Variants in SLC24A2 observed in about 807,000 individuals in gnomAD.
SLC24A2 encodes sodium/potassium/calcium exchanger 2.
Under a neutral mutation model 62.0 loss-of-function variants are expected in SLC24A2, and 36 were observed. The ratio of observed to expected loss-of-function variants is 0.58; its 90% confidence interval spans 0.44 to 0.77. The LOEUF (loss-of-function observed/expected upper bound fraction) is 0.77. SLC24A2 is among the 30% of genes least tolerant of loss of function. SLC24A2 has a pLI of 0.00. For missense variants in SLC24A2, 846 were observed against 817.9 expected (o/e 1.03, Z -0.42); for synonymous variants, 358 against 294.0 (o/e 1.22, Z -2.23).
At chr9:19,517,578 G>C (rs939680429) in intron 10 of SLC24A2, among the ~76,000 whole-genome samples, 1 of 152,196 alleles carries the variant, frequency 6.6e-6, no homozygotes, top group African/African-American at 2.4e-5. Flanking sequence ...GGGTGCATAT[G>C]TTAACCTGGG....
the SLC24A2 span, among the ~76,000 whole-genome samples, chr9:20,180,616 A>G: frequency 2.0e-5 from 3 of 152,128 alleles, no homozygotes; most frequent in Non-Finnish European, 4.4e-5. Flanking sequence ...GAATGATCAC[A>G]TTTAGAATTA....
intron 4 of SLC24A2, among the ~76,000 whole-genome samples, chr9:19,613,591 C>T (rs999889023): frequency 1.3e-5 from 2 of 152,028 alleles, no homozygotes; most frequent in Admixed American, 6.6e-5. Context: ...TTTAAAAAAC[C>T]CTCTCTGGCA....
the SLC24A2 span, among the ~76,000 whole-genome samples, chr9:19,834,059 C>A: frequency 1.3e-5 from 2 of 152,094 alleles, no homozygotes; most frequent in African/African-American, 2.4e-5. Flanking sequence ...GGACCTCCAC[C>A]CCAAAAACCC....
intron 2 of SLC24A2, among the ~76,000 whole-genome samples, chr9:19,710,975 T>C (rs924295286): frequency 3.3e-5 from 5 of 152,208 alleles, no homozygotes; most frequent in African/African-American, 1.2e-4. Context: ...AAATGCCTAT[T>C]TTCTTTTCTT....
chr9:20,092,224 C>A, the SLC24A2 span, among the ~76,000 whole-genome samples: 29 of 152,302 alleles, frequency 1.9e-4, no homozygotes, highest in African/African-American at 6.3e-4. Flanking sequence ...TGCACATATA[C>A]CTCTGAACCT....
intron 2 of SLC24A2, among the ~76,000 whole-genome samples, chr9:19,766,280 T>G (rs1319677438): frequency 6.6e-6 from 1 of 152,212 alleles, no homozygotes; most frequent in African/African-American, 2.4e-5. Flanking sequence ...ATTACCCACT[T>G]TCTGAAGCTT....
chr9:20,192,887 C>T, the SLC24A2 span, among the ~76,000 whole-genome samples: 2 of 152,230 alleles, frequency 1.3e-5, no homozygotes, highest in African/African-American at 4.8e-5. Context: ...ATTTAATCTC[C>T]AGCTAATTTG....
At chr9:20,240,254 A>T in the SLC24A2 span, among the ~76,000 whole-genome samples, 3 of 152,144 alleles carry the variant, frequency 2.0e-5, no homozygotes, top group Admixed American at 6.5e-5. Flanking sequence ...TAATTCACCT[A>T]TTTGTTTTTC....
chr9:20,102,963 C>T, the SLC24A2 span, among the ~76,000 whole-genome samples: 3 of 152,148 alleles, frequency 2.0e-5, no homozygotes, highest in East Asian at 1.9e-4. Flanking sequence ...GGGTGACAGA[C>T]GGTACCTGGA....
chr9:19,820,042 CATATATATAT>C, the SLC24A2 span, among the ~76,000 whole-genome samples: 49 of 32,890 alleles, frequency 1.5e-3, no homozygotes, highest in African/African-American at 2.9e-3. Context: ...TATATATATA[CATATATATAT>C]ATACACATAT....
the SLC24A2 span, among the ~76,000 whole-genome samples, chr9:20,049,228 T>C: frequency 6.6e-6 from 1 of 152,204 alleles, no homozygotes; most frequent in African/African-American, 2.4e-5. Flanking sequence ...TTCTATTTTG[T>C]AATGGTTATT....
chr9:20,278,926 C>T, the SLC24A2 span, among the ~76,000 whole-genome samples: 3 of 152,168 alleles, frequency 2.0e-5, no homozygotes, highest in East Asian at 5.8e-4. Flanking sequence ...GTTTAATTGA[C>T]TCACAGTTCC....
the SLC24A2 span, among the ~76,000 whole-genome samples, chr9:20,252,640 T>A: frequency 3.3e-5 from 5 of 152,266 alleles, no homozygotes; most frequent in East Asian, 9.6e-4. Flanking sequence ...GATATTGAGG[T>A]TCAAGCAGGC....
At chr9:19,761,806 T>A (rs1427207003) in intron 2 of SLC24A2, among the ~76,000 whole-genome samples, 1 of 152,230 alleles carries the variant, frequency 6.6e-6, no homozygotes, top group African/African-American at 2.4e-5. Flanking sequence ...ACAAAGGAGA[T>A]GAACTCATCA....
At chr9:19,877,312 G>T in the SLC24A2 span, among the ~76,000 whole-genome samples, 1 of 146,784 alleles carries the variant, frequency 6.8e-6, no homozygotes, top group African/African-American at 2.5e-5. Context: ...AGACTATGGA[G>T]GTCCATAGTT....
At chr9:20,186,311 G>A in the SLC24A2 span, among the ~76,000 whole-genome samples, 1 of 152,046 alleles carries the variant, frequency 6.6e-6, no homozygotes. Context: ...TGTTTAACCT[G>A]CTTATCTCTG....
intron 2 of SLC24A2, among the ~76,000 whole-genome samples, chr9:19,725,153 G>A (rs560903707): frequency 3.7e-4 from 56 of 152,232 alleles, no homozygotes; most frequent in South Asian, 2.5e-3. Context: ...TGGAGAGTGC[G>A]TGTGCTACCA....
chr9:19,838,486 C>CACACACAG, the SLC24A2 span, among the ~76,000 whole-genome samples: 3 of 149,922 alleles, frequency 2.0e-5, no homozygotes, highest in Non-Finnish European at 4.4e-5. Context: ...CACACACACA[C>CACACACAG]AGATTAGCAG....
chr9:19,708,708 G>T (rs909131870), intron 2 of SLC24A2, among the ~76,000 whole-genome samples: 3 of 152,176 alleles, frequency 2.0e-5, no homozygotes, highest in Non-Finnish European at 4.4e-5. Context: ...GCCATATGGA[G>T]AAAGCTGAAA....
Sources: gnomAD v4.1 joint callset for allele counts (sites outside exome capture counted in the v4.1 genomes callset) on GRCh38, gnomAD v4.1.1 for gene constraint, MANE v1.5 for transcripts, NCBI Gene and HGNC (gene_info 2026-07-23, HGNC 2026-07-21) for gene names.